The following FAT3 variants were observed in gnomAD, a reference collection of about 807,000 sequenced individuals.
FAT3 encodes FAT atypical cadherin 3, also known as protocadherin Fat 3.
In FAT3, 95 loss-of-function variants were observed where a neutral mutation model predicts 310.2. The ratio of observed to expected loss-of-function variants is 0.31; its 90% CI spans 0.26 to 0.36. FAT3 has a LOEUF of 0.36. Among genes scored for constraint, FAT3 ranks in the 10% least tolerant of loss-of-function variants. FAT3 has a pLI of 1.00. For synonymous variants in FAT3, 2,314 were observed against 2,192.9 expected (o/e 1.06, Z -1.54); for missense variants, 5,408 against 5,715.6 (o/e 0.95, Z 1.74).
intron 3 of FAT3, among the ~76,000 whole-genome samples, chr11:92,558,018 A>C (rs1319275207): frequency 2.0e-5 from 3 of 152,150 alleles, no homozygotes; most frequent in African/African-American, 7.2e-5. Flanking sequence ...TCCTGTTATC[A>C]CATTCAGGCA....
In FAT3 at chr11:92,468,949, G is replaced by T. The variant is rs150461931; in HGVS notation, c.3293-55685G>T. On this transcript the variant is annotated intron_variant, in intron 2 of 27. Coordinates refer to ENST00000525166, the MANE Select transcript of FAT3 (RefSeq NM_001367949.2). ...TAAATTATTATGATTTTTTGCTAAT[G>T]ATTTCTTTTTCTTGGATGTGAAGCC... Among the ~76,000 whole-genome samples, 133 of 152,226 alleles carry T rather than the reference G, an allele frequency of 8.7e-4. 4 individuals are homozygous for T. The East Asian group carries it at 0.021, about 24-fold the overall frequency.
chr11:92,507,561 TAC>T (rs936371285), intron 2 of FAT3, among the ~76,000 whole-genome samples: 13 of 151,824 alleles, frequency 8.6e-5, no homozygotes, highest in African/African-American at 2.9e-4. Flanking sequence ...TGTATATATA[TAC>T]ACACACATAT....
intron 3 of FAT3, among the ~76,000 whole-genome samples, chr11:92,686,278 T>G (rs1419401320): frequency 6.6e-6 from 1 of 152,216 alleles, no homozygotes; most frequent in African/African-American, 2.4e-5. Context: ...ACACATAAGG[T>G]TAATGCTAAT....
At chr11:92,747,971 C>G (rs1945721792) in intron 4 of FAT3, among the ~76,000 whole-genome samples, 1 of 152,194 alleles carries the variant, frequency 6.6e-6, no homozygotes, top group Non-Finnish European at 1.5e-5. Context: ...CCAAACTGTT[C>G]CAACCTTTGC....
At chr11:92,253,266 C>T (rs1227736222) in intron 1 of FAT3, among the ~76,000 whole-genome samples, 2 of 151,874 alleles carry the variant, frequency 1.3e-5, no homozygotes, top group Admixed American at 1.3e-4. Flanking sequence ...TTCCCTGTTT[C>T]TGAGTGGAGC....
rs764759481 is a variant in FAT3, at chr11:92,300,658, G to A, written c.-17-51438G>A. On this transcript the variant is annotated intron_variant, in intron 1 of 27. Transcript: ENST00000525166. ...GTATGCTGTCTTCATGGCATATGTC[G>A]CTATGTGAAATTTCATATTTGTTTT... is the stretch of plus-strand genomic sequence containing the variant. Among the ~76,000 whole-genome samples, 28 of 152,044 alleles carry A rather than the reference G, an allele frequency of 1.8e-4. No individual in the cohort carries two copies. The East Asian group carries it at 5.0e-3, about 27-fold the overall frequency.
intron 22 of FAT3, among the ~76,000 whole-genome samples, chr11:92,869,342 GA>G (rs1949329072): frequency 6.6e-6 from 1 of 152,188 alleles, no homozygotes; most frequent in South Asian, 2.1e-4. Context: ...CCCAGGTGGG[GA>G]AATTTGGGAC....
chr11:92,620,575 G>T (rs548044957), intron 3 of FAT3, among the ~76,000 whole-genome samples: 1 of 151,920 alleles, frequency 6.6e-6, no homozygotes, highest in African/African-American at 2.4e-5. Context: ...CAGTCAAACC[G>T]TCTTCTAAGC....
intron 3 of FAT3, among the ~76,000 whole-genome samples, chr11:92,528,732 G>A (rs73548548): frequency 0.028 from 4,252 of 152,288 alleles, 64 homozygotes; most frequent in Middle Eastern, 0.085. Context: ...GGTCATCCAG[G>A]CTGAAGTGGG....
At chr11:92,412,758 T>TATATATATATATATATAAAC (rs1555038657) in intron 2 of FAT3, among the ~76,000 whole-genome samples, 1 of 61,180 alleles carries the variant, frequency 1.6e-5, no homozygotes, top group Admixed American at 2.5e-4. Flanking sequence ...TATACATACA[T>TATATATATATATATATAAAC]ATATATATAT....
chr11:92,550,623 T>C (rs958704208), intron 3 of FAT3, among the ~76,000 whole-genome samples: 2 of 152,094 alleles, frequency 1.3e-5, no homozygotes, highest in Non-Finnish European at 2.9e-5. Flanking sequence ...AAACAATAGG[T>C]GGCCATTGCC....
intron 4 of FAT3, among the ~76,000 whole-genome samples, chr11:92,719,614 C>T (rs1944800132): frequency 6.7e-6 from 1 of 150,050 alleles, no homozygotes; most frequent in Non-Finnish European, 1.5e-5. Context: ...AAAAAACAGT[C>T]TGTACATACA....
At chr11:92,650,215 T>C (rs1479506383) in intron 3 of FAT3, among the ~76,000 whole-genome samples, 4 of 152,126 alleles carry the variant, frequency 2.6e-5, no homozygotes, top group Non-Finnish European at 5.9e-5. Context: ...CTGGCTGCTC[T>C]TGAGGGTTAT....
chr11:92,834,907 AT>A lies in FAT3; in HGVS notation c.9910del (p.Cys3304AlafsTer7). The A allele has an allele frequency of 6.2e-7, 1 of 1,612,782 alleles. No individual in the cohort carries two copies. Among genetic ancestry groups the A allele is most frequent in the Non-Finnish European group, 8.5e-7 (1 of 1,179,416 alleles). ...SVSEVLDYEL[C>X]KRFYLVVEAK... ...TCTCTGAAGTCCTGGACTATGAATTATGCAAAAGGTTTTACCTGGTAGTGGA... is the reference window on the plus strand; with the variant it reads ...TCTCTGAAGTCCTGGACTATGAATTAGCAAAAGGTTTTACCTGGTAGTGGA... On this transcript the variant is annotated frameshift_variant, in exon 15 of 28. Coordinates refer to ENST00000525166, the MANE Select transcript of FAT3 (RefSeq NM_001367949.2). LOFTEE classifies it high-confidence loss of function.
intron 4 of FAT3, among the ~76,000 whole-genome samples, chr11:92,721,404 T>C (rs879694059): frequency 6.6e-6 from 1 of 152,230 alleles, no homozygotes; most frequent in Non-Finnish European, 1.5e-5. Flanking sequence ...ACAGGTGAAC[T>C]TTATGGTATA....
Position 92,844,401 on chromosome 11 carries a change from C to A in FAT3, c.11034C>A (p.Leu3678=). The change falls in exon 19 of 28, where the codon CTC becomes CTA. Residue 3678 remains leucine, a synonymous_variant. Transcript: ENST00000525166. ...GGCGCACCCTGCGGAATGCAGTCCT[C>A]ACCCAGAAGCAGGACAGCCTGCGCA... ...GFRRTLRNAV[L]TQKQDSLRII... 1 of 1,613,954 alleles carries A rather than the reference C, an allele frequency of 6.2e-7. No homozygotes were observed.
At chr11:92,885,757 A>G (rs1432230056) in intron 24 of FAT3, among the ~76,000 whole-genome samples, 5 of 152,280 alleles carry the variant, frequency 3.3e-5, no homozygotes, top group African/African-American at 1.2e-4. Flanking sequence ...AGAGTGGATT[A>G]TTTGTCATTT....
intron 2 of FAT3, among the ~76,000 whole-genome samples, chr11:92,481,202 C>A (rs1276719784): frequency 6.6e-6 from 1 of 152,154 alleles, no homozygotes; most frequent in Non-Finnish European, 1.5e-5. Context: ...AGGAATTGTG[C>A]TGTTTCCACC....
intron 1 of FAT3, among the ~76,000 whole-genome samples, chr11:92,319,760 C>T (rs889563756): frequency 3.3e-5 from 5 of 151,950 alleles, no homozygotes; most frequent in Non-Finnish European, 5.9e-5. Flanking sequence ...TATAAAGTAC[C>T]CAGTATAAAC....
Sources: gnomAD v4.1 joint callset for allele counts (sites outside exome capture counted in the v4.1 genomes callset) on GRCh38, gnomAD v4.1.1 for gene constraint, MANE v1.5 for transcripts, NCBI Gene and HGNC (gene_info 2026-07-23, HGNC 2026-07-21) for gene names.